The following TRIM71 variants were observed in gnomAD, a reference collection of about 807,000 sequenced individuals.
The protein encoded by TRIM71 is E3 ubiquitin-protein ligase TRIM71.
Under a neutral mutation model 61.2 loss-of-function variants are expected in TRIM71, and 9 were observed. The ratio of observed to expected loss-of-function variants is 0.15; its 90% CI spans 0.09 to 0.26. The LOEUF is 0.26. Ranked by LOEUF, TRIM71 falls within the 10% of genes least tolerant of loss-of-function variation. TRIM71 has a pLI of 1.00. For missense variants in TRIM71, 998 were observed against 1,238.7 expected, an observed-to-expected ratio of 0.81 and a Z score of 2.92; for synonymous variants, 645 against 553.2, an observed-to-expected ratio of 1.17 and a Z score of -2.33.
At chr3:32,850,561 G>A (rs1421941470) in intron 1 of TRIM71, among the ~76,000 whole-genome samples, 1 of 152,194 alleles carries the variant, frequency 6.6e-6, no homozygotes, top group East Asian at 1.9e-4. Context: ...TAGTCATCCT[G>A]ATGACTAGAG....
intron 1 of TRIM71, among the ~76,000 whole-genome samples, chr3:32,854,113 C>T (rs898296964): frequency 6.6e-6 from 1 of 152,138 alleles, no homozygotes; most frequent in African/African-American, 2.4e-5. Context: ...CTGAGCCTCC[C>T]AAGTATCTGG....
intron 1 of TRIM71, among the ~76,000 whole-genome samples, chr3:32,823,292 G>T (rs565405953): frequency 2.6e-5 from 4 of 152,214 alleles, no homozygotes; most frequent in Non-Finnish European, 5.9e-5. Context: ...TTTTCAACAT[G>T]GACCCTCAGG....
chr3:32,823,705 G>GTTGCA lies in TRIM71; in HGVS notation c.852+4773_852+4774insTTGCA, dbSNP rs1466961699. ...GAGGCGGAGGTTGCAGTGAGCCGAG[G>GTTGCA]GTGCAGTGAGCCGAGATCATGCCAT... On this transcript the variant is annotated intron_variant, in intron 1 of 3. Coordinates refer to ENST00000383763, the MANE Select transcript of TRIM71 (RefSeq NM_001039111.3). Among the ~76,000 whole-genome samples the GTTGCA allele has an allele frequency of 8.2e-3, 1,240 of 150,564 alleles. 20 individuals carry two copies. The highest frequency in any genetic ancestry group is 0.028 in the African/African-American group (1,131 of 41,106).
chr3:32,866,361 T>C (rs1696736773), intron 1 of TRIM71, among the ~76,000 whole-genome samples: 1 of 152,078 alleles, frequency 6.6e-6, no homozygotes. Context: ...CTATTCTGCC[T>C]CAGCCTCCCG....
At chr3:32,855,520 G>A (rs892800450) in intron 1 of TRIM71, among the ~76,000 whole-genome samples, 1 of 152,102 alleles carries the variant, frequency 6.6e-6, no homozygotes. Flanking sequence ...TCTCTGACCT[G>A]TCTCTAGCCC....
intron 1 of TRIM71, among the ~76,000 whole-genome samples, 176 bp downstream of exon 1, chr3:32,819,108 G>A (rs1696099087): frequency 6.6e-6 from 1 of 152,214 alleles, no homozygotes; most frequent in Non-Finnish European, 1.5e-5. Flanking sequence ...GGAAGTATGT[G>A]GAAGTGGATT....
At chr3:32,860,244 C>T (rs1341164112) in intron 1 of TRIM71, among the ~76,000 whole-genome samples, 2 of 151,598 alleles carry the variant, frequency 1.3e-5, no homozygotes, top group Non-Finnish European at 2.9e-5. Flanking sequence ...CTGCAACCTC[C>T]ACTTCCCGGG....
At chr3:32,836,116 A>G (rs1463948265) in intron 1 of TRIM71, among the ~76,000 whole-genome samples, 1 of 151,898 alleles carries the variant, frequency 6.6e-6, no homozygotes, top group Non-Finnish European at 1.5e-5. Context: ...CCCTCCCCCG[A>G]CAGCTCCCCC....
chr3:32,872,005 G>A lies in TRIM71; in HGVS notation c.853-1813G>A, dbSNP rs528580449. Reference sequence around the variant, plus strand: ...AAAAATATAAAAAAATTAGTTGGGCGTGGTGGCAGGCACCTTTAGTCCCAG... The same window carrying A: ...AAAAATATAAAAAAATTAGTTGGGCATGGTGGCAGGCACCTTTAGTCCCAG... On this transcript the variant is annotated intron_variant, in intron 1 of 3. Coordinates refer to ENST00000383763, the MANE Select transcript of TRIM71 (RefSeq NM_001039111.3). 5.3e-5 allele frequency among the ~76,000 whole-genome samples: 8 copies of A among 152,236 alleles called. No homozygotes were observed. In the East Asian group the frequency reaches 5.8e-4, roughly 11 times the overall value.
chr3:32,872,226 C>T (rs1019405994), intron 1 of TRIM71, among the ~76,000 whole-genome samples: 1 of 152,150 alleles, frequency 6.6e-6, no homozygotes, highest in Non-Finnish European at 1.5e-5. Context: ...AAAGTAAAAA[C>T]ACAATATCCT....
intron 3 of TRIM71, among the ~76,000 whole-genome samples, chr3:32,889,566 A>G (rs1697000533): frequency 1.4e-5 from 2 of 140,618 alleles, no homozygotes; most frequent in African/African-American, 5.4e-5. Context: ...CCCAATTATT[A>G]TTATTATTAT....
intron 1 of TRIM71, among the ~76,000 whole-genome samples, chr3:32,843,685 C>A (rs1696437061): frequency 6.6e-6 from 1 of 152,206 alleles, no homozygotes; most frequent in South Asian, 2.1e-4. Flanking sequence ...GCGTGCTTAT[C>A]CCGTTACCCG....
Position 32,838,522 on chromosome 3 carries a change from C to CTT in TRIM71, c.852+19607_852+19608dup, listed in dbSNP as rs11361989. Among the ~76,000 whole-genome samples the CTT allele has an allele frequency of 2.1e-3, 286 of 136,700 alleles. 2 individuals carry two copies. Among genetic ancestry groups the CTT allele is most frequent in the Middle Eastern group, 7.9e-3 (2 of 254 alleles). 89.7% of individuals were successfully genotyped at this position (136,700 alleles called of 152,430 possible). ...ACAGGCGTGAGCCACTGCACCTGGCCTTTTTTTTTTTTTTTTTTAATCAAG... is the reference window on the plus strand; with the variant it reads ...ACAGGCGTGAGCCACTGCACCTGGCCTTTTTTTTTTTTTTTTTTTTAATCAAG... On this transcript the variant is annotated intron_variant, in intron 1 of 3. Transcript: ENST00000383763.
intron 1 of TRIM71, among the ~76,000 whole-genome samples, chr3:32,863,941 CAA>C (rs1393003537): frequency 2.6e-5 from 4 of 152,210 alleles, no homozygotes; most frequent in African/African-American, 9.6e-5. Context: ...CTCGGCCTCT[CAA>C]AAGTGCTGGG....
At chr3:32,869,767 A>G (rs1696776279) in intron 1 of TRIM71, among the ~76,000 whole-genome samples, 1 of 152,112 alleles carries the variant, frequency 6.6e-6, no homozygotes, top group Admixed American at 6.6e-5. Flanking sequence ...GGGGAGAGGA[A>G]GGCAATGGGT....
rs540893397 is a variant in TRIM71 at position 32,846,994 on chromosome 3, G to A, written c.853-26824G>A. Among the ~76,000 whole-genome samples the A allele has an allele frequency of 2.0e-5, 3 of 151,858 alleles. No homozygotes were observed. The East Asian group carries it at 5.8e-4, about 29-fold the overall frequency. ...TGACATACTGATTTCAGTTATTTGGGGTATATATACCCAGAAGTGGGATTG... is the reference window on the plus strand; with the variant it reads ...TGACATACTGATTTCAGTTATTTGGAGTATATATACCCAGAAGTGGGATTG... On this transcript the variant is annotated intron_variant, in intron 1 of 3. Transcript: ENST00000383763.
chr3:32,847,360 C>T (rs1031724173), intron 1 of TRIM71, among the ~76,000 whole-genome samples: 1 of 152,070 alleles, frequency 6.6e-6, no homozygotes, highest in Admixed American at 6.5e-5. Flanking sequence ...CCATGTCCCG[C>T]TAATTTTGTA....
chr3:32,856,768 T>C (rs1381314874), intron 1 of TRIM71, among the ~76,000 whole-genome samples: 1 of 152,118 alleles, frequency 6.6e-6, no homozygotes, highest in African/African-American at 2.4e-5. Context: ...TGGCTCATTG[T>C]CAGTCCTGCC....
In TRIM71 at chr3:32,846,268, G is replaced by C. The variant is rs193194626; in HGVS notation, c.852+27336G>C. 6.2e-3 allele frequency among the ~76,000 whole-genome samples: 947 copies of C among 151,948 alleles called. 5 individuals are homozygous for C. The highest frequency in any genetic ancestry group is 9.9e-3 in the Non-Finnish European group (671 of 67,980). On this transcript the variant is annotated intron_variant, in intron 1 of 3. Coordinates refer to ENST00000383763, the MANE Select transcript of TRIM71 (RefSeq NM_001039111.3). ...TTTTTTGTATTTTTAGTAGAGACAGGGTTTCACCGTGTTAGCCAGGATGGT... is the reference window on the plus strand; with the variant it reads ...TTTTTTGTATTTTTAGTAGAGACAGCGTTTCACCGTGTTAGCCAGGATGGT...
Sources: gnomAD v4.1 joint callset for allele counts (sites outside exome capture counted in the v4.1 genomes callset) on GRCh38, gnomAD v4.1.1 for gene constraint, MANE v1.5 for transcripts, NCBI Gene and HGNC (gene_info 2026-07-23, HGNC 2026-07-21) for gene names.